RPL7A: variants seen among roughly 807,000 people sequenced by gnomAD.
RPL7A encodes large ribosomal subunit protein eL8.
For synonymous variants in RPL7A, 158 were observed against 128.2 expected (o/e 1.23, Z -1.57); for missense variants, 291 against 338.2 (o/e 0.86, Z 1.09).
In RPL7A at chr9:133,350,408, G is replaced by A. The variant is rs2129993347; in HGVS notation, c.495+89G>A. ...CTAATGCCAAGTCAGTGATGGGACCGAAGTGGGTGAGGGCAGTACTGACAC... is the reference window on the plus strand; with the variant it reads ...CTAATGCCAAGTCAGTGATGGGACCAAAGTGGGTGAGGGCAGTACTGACAC... On this transcript the variant is annotated intron_variant, in intron 5 of 7. Coordinates refer to ENST00000323345, the MANE Select transcript of RPL7A (RefSeq NM_000972.3). 2,842 of 1,527,290 alleles carry A rather than the reference G, an allele frequency of 1.9e-3. 32 individuals are homozygous for A. In the African/African-American group the frequency reaches 0.033, roughly 18 times the overall value. The allele number at this position is 1,527,290 out of a possible 1,614,324, so 94.6% of individuals were successfully genotyped here.
chr9:133,350,357 G>A, intron 5 of RPL7A, 38 bp downstream of exon 5: 1 of 1,607,184 alleles, frequency 6.2e-7, no homozygotes, highest in South Asian at 1.1e-5. Flanking sequence ...AAGGGCTTCT[G>A]GCAGTACCAG....
At chr9:133,349,384 C>T (rs2129985443) in intron 2 of RPL7A, 167 bp from the exon 3 acceptor site, 3 of 957,890 alleles carry the variant, frequency 3.1e-6, no homozygotes, top group South Asian at 1.3e-5. Context: ...TCTTTGTTCT[C>T]AGGTGTTTGT....
At position 133,350,877 on chromosome 9, in the gene RPL7A, G is replaced by C. The variant is rs2129996731; in HGVS notation, c.627-125G>C. ...ATGATGGTTAAGAATTTCTTCACCT[G>C]AATAAACCATGTGGTCAGCATTGCA... is the stretch of plus-strand genomic sequence containing the variant. On this transcript the variant is annotated intron_variant, in intron 6 of 7. Transcript: ENST00000323345. The C allele has an allele frequency of 5.5e-6, 8 of 1,467,136 alleles. No homozygotes were observed. In the East Asian group the frequency reaches 1.8e-4, roughly 33 times the overall value. The allele number at this position is 1,467,136 out of a possible 1,614,324, so 90.9% of individuals were successfully genotyped here. A position where few individuals can be genotyped will look rare whatever the true frequency, so the allele number is the denominator to read the frequency against.
In RPL7A at chr9:133,350,314, A is replaced by C; in HGVS notation, c.490A>C (p.Ile164Leu). ...LVVIAHDVDP[I>L]ELVVFLPALC... ...GGTGATTGCACACGACGTGGATCCC[A>C]TCGAGGTGCGTTTGCCTGTTGACTG... Residue 164 changes from isoleucine (I) to leucine (L), a missense_variant, in exon 5 of 8, where the codon ATC becomes CTC. By Grantham distance (5) the Ile-to-Leu change is conservative. Coordinates refer to ENST00000323345, the MANE Select transcript of RPL7A (RefSeq NM_000972.3). 6.2e-7 allele frequency: 1 copy of C among 1,614,076 alleles called. No individual in the cohort carries two copies. Among genetic ancestry groups the C allele is most frequent in the Non-Finnish European group, 8.5e-7 (1 of 1,180,012 alleles).
chr9:133,350,477 A>G (rs1418004763), intron 5 of RPL7A, 120 bp from the exon 6 acceptor site: 6 of 1,551,456 alleles, frequency 3.9e-6, no homozygotes, highest in African/African-American at 2.7e-5. Context: ...TGAATCTCTC[A>G]CTGAATTCAA....
In RPL7A at chr9:133,351,273, C is replaced by T. The variant is rs2129998981; in HGVS notation, c.708C>T (p.His236=). The T allele has an allele frequency of 6.2e-7, 1 of 1,613,966 alleles. No homozygotes were observed. The highest frequency in any genetic ancestry group is 8.5e-7 in the Non-Finnish European group (1 of 1,179,860). The change falls in exon 8 of 8, where the codon CAC becomes CAT. Residue 236 remains histidine (H), a synonymous_variant. Transcript: ENST00000323345. ...YNDRYDEIRR[H]WGGNVLGPKS... is the part of the protein sequence containing the mutation. Reference sequence around the variant, plus strand: ...TTTTGTCTTTTCAGATCCGCCGTCACTGGGGTGGCAATGTCCTGGGTCCTA... The same window carrying T: ...TTTTGTCTTTTCAGATCCGCCGTCATTGGGGTGGCAATGTCCTGGGTCCTA...
intron 1 of RPL7A, chr9:133,348,469 G>T: frequency 7.8e-6 from 5 of 640,006 alleles, no homozygotes. Context: ...GGAATGCGTT[G>T]TTCCCGGTGT....
rs2129982373 is a variant in RPL7A, at chr9:133,348,947, A to G, written c.29A>G (p.Lys10Arg). 3 of 1,613,868 alleles carry G rather than the reference A, an allele frequency of 1.9e-6. No individual in the cohort carries two copies. The highest frequency in any genetic ancestry group is 2.7e-5 in the African/African-American group (2 of 74,942). Reference protein sequence around the residue: MPKGKKAKGKKVAPAPAVVK... With the variant: MPKGKKAKGRKVAPAPAVVK... ...CCGAAAGGAAAGAAGGCCAAGGGAA[A>G]GAAGGTGGCTCCGGCCCCAGCTGTC... is the stretch of plus-strand genomic sequence containing the variant. The change falls in exon 2 of 8, where the codon AAG becomes AGG. Residue 10 changes from lysine to arginine, a missense_variant. By Grantham distance (26) the Lys-to-Arg change is conservative. Coordinates refer to ENST00000323345, the MANE Select transcript of RPL7A (RefSeq NM_000972.3).
In RPL7A at chr9:133,349,058, C is replaced by CAGAATGAAAACGGT; in HGVS notation, c.124+17_124+30dup. 6.2e-7 allele frequency: 1 copy of CAGAATGAAAACGGT among 1,612,604 alleles called. No homozygotes were observed. The highest frequency in any genetic ancestry group is 8.5e-7 in the Non-Finnish European group (1 of 1,179,340). On this transcript the variant is annotated intron_variant, in intron 2 of 7. Transcript: ENST00000323345. ...TTTGGCATTGGTAAGTAACAAACGG[C>CAGAATGAAAACGGT]AGAATGAAAACGGTCTATGTTTTTC... is the stretch of plus-strand genomic sequence containing the variant.
In RPL7A at chr9:133,349,902, G is replaced by T; in HGVS notation, c.275-10G>T. The T allele has an allele frequency of 3.7e-6, 6 of 1,611,126 alleles. No individual in the cohort carries two copies. The highest frequency in any genetic ancestry group is 5.1e-6 in the Non-Finnish European group (6 of 1,179,826). On this transcript the variant is annotated splice_polypyrimidine_tract_variant and intron_variant, in intron 3 of 7. Transcript: ENST00000323345. The stretch of plus-strand genomic sequence containing the variant: ...TGACTCCAAGCCTAAACTGAAGAGT[G>T]TTTTTCCAGCTACTCAGCTGCTTAA...
intron 7 of RPL7A, 68 bp downstream of exon 7, chr9:133,351,139 AACC>A: frequency 6.4e-7 from 1 of 1,568,302 alleles, no homozygotes; most frequent in Non-Finnish European, 8.8e-7. Context: ...TGGCTGGCTT[AACC>A]TATGAGAAGT....
At chr9:133,349,881 T>A (rs2129989328) in intron 3 of RPL7A, 31 bp from the exon 4 acceptor site, 29 of 1,608,898 alleles carry the variant, frequency 1.8e-5, no homozygotes, top group Non-Finnish European at 8.5e-7. Context: ...GAACCTTGAC[T>A]CCAAGCCTAA....
At chr9:133,349,850 A>G in intron 3 of RPL7A, 62 bp from the exon 4 acceptor site, 1 of 1,593,192 alleles carries the variant, frequency 6.3e-7, no homozygotes, top group Non-Finnish European at 8.5e-7. Flanking sequence ...TTTGTTATTA[A>G]GTGTTAAGTG....
intron 1 of RPL7A, 122 bp downstream of exon 1, chr9:133,348,368 G>C (rs1427718393): frequency 1.4e-6 from 2 of 1,381,040 alleles, no homozygotes; most frequent in East Asian, 2.3e-5. Flanking sequence ...GCCCCACTCG[G>C]TGTGGCACGG....
At chr9:133,348,779 C>G (rs2129980874) in intron 1 of RPL7A, 143 bp from the exon 2 acceptor site, 7 of 1,242,466 alleles carry the variant, frequency 5.6e-6, no homozygotes, top group East Asian at 4.8e-5. Flanking sequence ...AGGGGTGGTG[C>G]TGGGGGGTTG....
chr9:133,348,440 GC>G, intron 1 of RPL7A, 194 bp downstream of exon 1: 1 of 756,262 alleles, frequency 1.3e-6, no homozygotes. Context: ...ATGGACTAGA[GC>G]CCCGGGCGGC....
chr9:133,350,415 G>A (rs2129993398), intron 5 of RPL7A, 96 bp downstream of exon 5: 5 of 1,506,544 alleles, frequency 3.3e-6, no homozygotes, highest in Middle Eastern at 1.7e-4. Flanking sequence ...ACCGAAGTGG[G>A]TGAGGGCAGT....
At position 133,350,988 on chromosome 9, in the gene RPL7A, C is replaced by A. The variant is rs2129997511; in HGVS notation, c.627-14C>A. ...GGCAAAAAACCCACTTTTGTTTCCC[C>A]TCCTGCCTTTTAGGGAAGACAAAGG... On this transcript the variant is annotated splice_polypyrimidine_tract_variant and intron_variant, in intron 6 of 7. Transcript: ENST00000323345. The A allele has an allele frequency of 1.2e-6, 2 of 1,613,720 alleles. No individual in the cohort carries two copies. The highest frequency in any genetic ancestry group is 2.7e-5 in the African/African-American group (2 of 74,902).
intron 1 of RPL7A, chr9:133,348,663 G>C (rs1378486351): frequency 2.9e-6 from 2 of 689,108 alleles, no homozygotes; most frequent in East Asian, 5.7e-5. Flanking sequence ...GTGTCTCCTG[G>C]GTGGGCGACG....
Sources: allele counts gnomAD v4.1 joint callset, GRCh38; gene constraint gnomAD v4.1.1; transcripts MANE v1.5; gene names NCBI Gene and HGNC (gene_info 2026-07-23, HGNC 2026-07-21).